TENM2: variants seen among roughly 807,000 people sequenced by gnomAD.
The protein encoded by TENM2 is teneurin-2.
In TENM2, 52 loss-of-function variants were observed where a neutral mutation model predicts 245.2. That is an observed-to-expected ratio of 0.21 (90% CI 0.17 to 0.27). TENM2 has a LOEUF of 0.27. TENM2 is among the 10% of genes least tolerant of loss of function. The probability of loss-of-function intolerance (pLI) is 1.00; values close to 1 mark genes in which losing one functional copy is unlikely to be tolerated. For missense variants in TENM2, 3,046 were observed against 3,666.8 expected (o/e 0.83, Z 4.37); for synonymous variants, 1,363 against 1,438.9 (o/e 0.95, Z 1.19).
chr5:167,374,493 C>A (rs539074159), intron 1 of TENM2, among the ~76,000 whole-genome samples: 177 of 152,218 alleles, frequency 1.2e-3, no homozygotes, highest in African/African-American at 4.0e-3. Context: ...ATGAGGCACA[C>A]AATCACCCTG....
At chr5:168,191,470 G>A (rs1581588387) in intron 14 of TENM2, among the ~76,000 whole-genome samples, 2 of 152,150 alleles carry the variant, frequency 1.3e-5, no homozygotes, top group African/African-American at 2.4e-5. Flanking sequence ...AGAAGGAGGA[G>A]CGTGGTCTAA....
intron 8 of TENM2, among the ~76,000 whole-genome samples, chr5:168,094,555 C>G (rs1449036316): frequency 6.6e-6 from 1 of 151,968 alleles, no homozygotes; most frequent in East Asian, 1.9e-4. Flanking sequence ...CCAAGTCATC[C>G]ACATGTTCTA....
At chr5:168,006,808 G>A (rs2546949) in intron 5 of TENM2, among the ~76,000 whole-genome samples, 4 of 152,248 alleles carry the variant, frequency 2.6e-5, no homozygotes, top group Admixed American at 1.3e-4. Flanking sequence ...GAGAAAGGTC[G>A]CTTTCTCCTG....
At chr5:168,025,960 TGA>T (rs1252544119) in intron 5 of TENM2, among the ~76,000 whole-genome samples, 1 of 152,184 alleles carries the variant, frequency 6.6e-6, no homozygotes, top group Non-Finnish European at 1.5e-5. Context: ...TCCCTGGCTA[TGA>T]AGGGGGCTCA....
chr5:167,219,370 A>G, the TENM2 span, among the ~76,000 whole-genome samples: 1 of 152,278 alleles, frequency 6.6e-6, no homozygotes, highest in South Asian at 2.1e-4. Flanking sequence ...CAAAACGTGG[A>G]TACCCCTATG....
chr5:167,929,965 G>C (rs766117410), intron 3 of TENM2, among the ~76,000 whole-genome samples: 4 of 152,168 alleles, frequency 2.6e-5, no homozygotes, highest in African/African-American at 7.2e-5. Flanking sequence ...TCCTCTTCAT[G>C]CACCAATTCT....
chr5:168,170,710 T>G (rs113959591), intron 13 of TENM2, among the ~76,000 whole-genome samples: 5,036 of 152,276 alleles, frequency 0.033, 300 homozygotes, highest in African/African-American at 0.11. Flanking sequence ...CTCCCTGCAC[T>G]CCTCTTGCCG....
intron 9 of TENM2, among the ~76,000 whole-genome samples, chr5:168,111,014 CAT>C (rs1470043555): frequency 6.6e-6 from 1 of 152,186 alleles, no homozygotes; most frequent in Non-Finnish European, 1.5e-5. Context: ...TCATCCAACT[CAT>C]ATGTCATGTT....
intron 2 of TENM2, among the ~76,000 whole-genome samples, chr5:167,399,176 G>T (rs1185885432): frequency 6.6e-6 from 1 of 152,120 alleles, no homozygotes; most frequent in Non-Finnish European, 1.5e-5. Flanking sequence ...CTTTCATTTT[G>T]TTCTTCAAGG....
intron 1 of TENM2, among the ~76,000 whole-genome samples, chr5:167,295,146 TG>T (rs1754875425): frequency 1.3e-5 from 2 of 152,348 alleles, no homozygotes; most frequent in Admixed American, 1.3e-4. Flanking sequence ...CTCTTTTTAG[TG>T]GCTTGTTTCC....
intron 1 of TENM2, among the ~76,000 whole-genome samples, chr5:167,315,820 G>A (rs561007015): frequency 9.2e-5 from 14 of 152,166 alleles, no homozygotes; most frequent in African/African-American, 3.4e-4. Flanking sequence ...GCAAGCAGTG[G>A]GGGTAAACAA....
chr5:167,014,140 C>CTTTTCTTTTTT, the TENM2 span, among the ~76,000 whole-genome samples: 1 of 128,672 alleles, frequency 7.8e-6, no homozygotes. Context: ...AAAACCAATT[C>CTTTTCTTTTTT]TTTTTTTTTT....
chr5:167,268,548 C>G, the TENM2 span, among the ~76,000 whole-genome samples: 4 of 152,054 alleles, frequency 2.6e-5, no homozygotes, highest in Admixed American at 2.6e-4. Context: ...CTTGGTGAGG[C>G]ATGTTTGATG....
intron 3 of TENM2, among the ~76,000 whole-genome samples, chr5:167,897,566 G>C (rs1775318663): frequency 6.6e-6 from 1 of 152,174 alleles, no homozygotes; most frequent in Non-Finnish European, 1.5e-5. Flanking sequence ...TCCCTGTCAG[G>C]AGATGTTGAA....
At chr5:167,431,191 C>A (rs1429970613) in intron 2 of TENM2, among the ~76,000 whole-genome samples, 3 of 152,026 alleles carry the variant, frequency 2.0e-5, no homozygotes, top group Non-Finnish European at 2.9e-5. Flanking sequence ...GTCATTAAGA[C>A]AATTATCAAT....
the TENM2 span, among the ~76,000 whole-genome samples, chr5:167,193,319 T>A: frequency 6.6e-6 from 1 of 152,000 alleles, no homozygotes; most frequent in Non-Finnish European, 1.5e-5. Context: ...GGTGTGCAAT[T>A]CCTGTGACTG....
At chr5:167,813,896 T>C (rs1385231163) in intron 2 of TENM2, among the ~76,000 whole-genome samples, 1 of 152,156 alleles carries the variant, frequency 6.6e-6, no homozygotes, top group Non-Finnish European at 1.5e-5. Context: ...AGATGTGTTT[T>C]CTTATGGCTC....
At chr5:167,353,497 G>GTTTTTTTT (rs1462789214) in intron 1 of TENM2, among the ~76,000 whole-genome samples, 2 of 68,920 alleles carry the variant, frequency 2.9e-5, no homozygotes, top group African/African-American at 5.6e-5. Flanking sequence ...TGTTGTTGTT[G>GTTTTTTTT]TTGTTTTTTT....
chr5:167,483,725 C>T (rs1430915796), intron 2 of TENM2, among the ~76,000 whole-genome samples: 1 of 152,154 alleles, frequency 6.6e-6, no homozygotes, highest in East Asian at 1.9e-4. Context: ...TCTTTATTCT[C>T]TCTGGAATTT....
Sources: gnomAD v4.1 joint callset for allele counts (sites outside exome capture counted in the v4.1 genomes callset) on GRCh38, gnomAD v4.1.1 for gene constraint, MANE v1.5 for transcripts, NCBI Gene and HGNC (gene_info 2026-07-23, HGNC 2026-07-21) for gene names.